Variants in PPP2R2C observed in about 807,000 individuals in gnomAD.
The protein encoded by PPP2R2C is protein phosphatase 2, regulatory subunit B, gamma.
Under a neutral mutation model 45.3 loss-of-function variants are expected in PPP2R2C, and 10 were observed. The ratio of observed to expected loss-of-function variants is 0.22; its 90% confidence interval spans 0.14 to 0.37. PPP2R2C has a LOEUF of 0.37. Among genes scored for constraint, PPP2R2C ranks in the 10% least tolerant of loss-of-function variants. PPP2R2C has a pLI of 1.00. For missense variants in PPP2R2C, 308 were observed against 619.7 expected (o/e 0.50, Z 5.34); for synonymous variants, 257 against 245.4 (o/e 1.05, Z -0.44).
At chr4:6,374,635 T>A (rs1715146331) in intron 4 of PPP2R2C, among the ~76,000 whole-genome samples, 1 of 152,192 alleles carries the variant, frequency 6.6e-6, no homozygotes. Flanking sequence ...AAAGGCCTCC[T>A]GGGGTGCCCA....
chr4:6,421,160 C>T (rs1718933669), intron 1 of PPP2R2C: 1 of 982,044 alleles, frequency 1.0e-6, no homozygotes, highest in Admixed American at 6.2e-5. Flanking sequence ...ACACCACTTC[C>T]TGGTTAGCAC....
rs928596950 is a variant in PPP2R2C, at chr4:6,331,767, T to A, written c.960+1795A>T. On this transcript the variant is annotated intron_variant, in intron 7 of 8. Transcript: ENST00000382599. The surrounding 1 kb of genome is among the most constrained non-coding windows in gnomAD (Gnocchi z 5.9). ...TGGACTGGATCACAGAAGGAACCAC[T>A]GTGGCGCTGCCGGGGTCATGGAGCC... 5.9e-5 allele frequency among the ~76,000 whole-genome samples: 9 copies of A among 152,156 alleles called. No individual in the cohort carries two copies. Among genetic ancestry groups the A allele is most frequent in the African/African-American group, 2.2e-4 (9 of 41,440 alleles).
At chr4:6,475,395 G>A (rs201008595), upstream of PPP2R2C, among the ~76,000 whole-genome samples, 23 of 152,264 alleles carry the variant, frequency 1.5e-4, no homozygotes, top group East Asian at 2.1e-3. Flanking sequence ...TCCTCACTCC[G>A]TGTCCCTTCA....
In PPP2R2C at chr4:6,510,152, C is replaced by A. The variant is rs1723377959; in HGVS notation, c.49+25119G>T. On this transcript the variant is annotated intron_variant, in intron 2 of 9. Transcript: ENST00000506140. ...ACAAAACCTACACAGGATCATGCCACCCACCTGCTTCAAATCCCTCCCATC... is the reference window on the plus strand; with the variant it reads ...ACAAAACCTACACAGGATCATGCCAACCACCTGCTTCAAATCCCTCCCATC... 2.0e-5 allele frequency among the ~76,000 whole-genome samples: 3 copies of A among 152,152 alleles called. No individual in the cohort carries two copies. The South Asian group carries it at 6.2e-4, about 32-fold the overall frequency.
chr4:6,416,539 C>T lies in PPP2R2C; in HGVS notation c.71-35445G>A, dbSNP rs77560003. ...CCCATACCTCCAGTGGGAGCTTTCC[C>T]AACAGAAAGCAGCTGTGACCCCCGG... On this transcript the variant is annotated intron_variant, in intron 1 of 8. Coordinates refer to ENST00000382599, the MANE Select transcript of PPP2R2C (RefSeq NM_020416.4). Among the ~76,000 whole-genome samples the T allele has an allele frequency of 3.3e-5, 5 of 152,310 alleles. No individual in the cohort carries two copies. In the East Asian group the frequency reaches 9.6e-4, roughly 29 times the overall value.
intron 1 of PPP2R2C, among the ~76,000 whole-genome samples, chr4:6,442,438 C>T (rs375982772): frequency 1.3e-5 from 2 of 152,214 alleles, no homozygotes; most frequent in African/African-American, 2.4e-5. Context: ...TGCTTCAGTC[C>T]GTGGGGCCAC....
intron 3 of PPP2R2C, among the ~76,000 whole-genome samples, chr4:6,377,265 C>T (rs1715393354): frequency 6.6e-6 from 1 of 152,176 alleles, no homozygotes. Context: ...GTTGAGTGGG[C>T]ACCATTTCAC....
At chr4:6,429,218 G>T (rs190632684) in intron 1 of PPP2R2C, among the ~76,000 whole-genome samples, 74 of 152,378 alleles carry the variant, frequency 4.9e-4, no homozygotes, top group South Asian at 1.7e-3. Flanking sequence ...ATGTGACAGA[G>T]AAGCAGCAGC....
chr4:6,376,435 G>A (rs1226750294), intron 3 of PPP2R2C, among the ~76,000 whole-genome samples: 1 of 151,366 alleles, frequency 6.6e-6, no homozygotes, highest in Non-Finnish European at 1.5e-5. Flanking sequence ...AGAGAGGCAG[G>A]AAGAAAGTGA....
Position 6,446,672 on chromosome 4 carries a change from T to A in PPP2R2C, c.70+25488A>T, listed in dbSNP as rs149995457. ...TCCGAGTTCCCTGCCTCCAAGAACA[T>A]GTCCATCAGCCATCAGCTGACTGGA... On this transcript the variant is annotated intron_variant, in intron 1 of 8. Transcript: ENST00000382599. Among the ~76,000 whole-genome samples the A allele has an allele frequency of 5.2e-3, 787 of 151,938 alleles. 8 individuals are homozygous for A. Among genetic ancestry groups the A allele is most frequent in the African/African-American group, 0.018 (751 of 41,438 alleles).
chr4:6,402,924 C>G (rs934837442), intron 1 of PPP2R2C, among the ~76,000 whole-genome samples: 5 of 152,236 alleles, frequency 3.3e-5, no homozygotes, highest in African/African-American at 9.6e-5. Context: ...TGCCCGCCCT[C>G]TGCAAAGCCA....
chr4:6,554,887 A>AAAGAAAGGAAGGAAGG (rs1560620169), intron 1 of PPP2R2C, among the ~76,000 whole-genome samples: 17 of 106,062 alleles, frequency 1.6e-4, no homozygotes, highest in African/African-American at 5.8e-4. Context: ...AAAGAAAAAG[A>AAAGAAAGGAAGGAAGG]AAGGAAGGAA....
intron 1 of PPP2R2C, among the ~76,000 whole-genome samples, chr4:6,393,168 G>A (rs577815724): frequency 3.2e-4 from 49 of 151,934 alleles, no homozygotes; most frequent in African/African-American, 8.7e-4. Context: ...CATTCCCACC[G>A]CCCCAAAAAG....
intron 1 of PPP2R2C, among the ~76,000 whole-genome samples, chr4:6,402,659 A>G (rs1046964079): frequency 6.6e-6 from 1 of 152,184 alleles, no homozygotes; most frequent in African/African-American, 2.4e-5. Context: ...GATGTAAACA[A>G]GCACCACATG....
intron 5 of PPP2R2C, among the ~76,000 whole-genome samples, chr4:6,352,931 G>A (rs1048780907): frequency 2.0e-5 from 3 of 152,146 alleles, no homozygotes; most frequent in Non-Finnish European, 4.4e-5. Context: ...GACATTCTAA[G>A]AGACAGAAGA....
At chr4:6,464,060 A>G (rs954852948) in intron 1 of PPP2R2C, among the ~76,000 whole-genome samples, 3 of 152,138 alleles carry the variant, frequency 2.0e-5, no homozygotes, top group Non-Finnish European at 4.4e-5. Flanking sequence ...TGTCCCTTAC[A>G]AACTATGTGA....
intron 1 of PPP2R2C, among the ~76,000 whole-genome samples, chr4:6,409,448 G>A (rs1280068595): frequency 6.6e-6 from 1 of 152,182 alleles, no homozygotes; most frequent in Non-Finnish European, 1.5e-5. Flanking sequence ...CCAGCATGGA[G>A]CGGAGGAACC....
Position 6,507,295 on chromosome 4 carries a change from C to T in PPP2R2C, c.49+27976G>A, listed in dbSNP as rs765972442. Among the ~76,000 whole-genome samples, 14 of 152,290 alleles carry T rather than the reference C, an allele frequency of 9.2e-5. No homozygotes were observed. The East Asian group carries it at 2.1e-3, about 23-fold the overall frequency. On this transcript the variant is annotated intron_variant, in intron 2 of 9. Transcript: ENST00000506140. Reference sequence around the variant, plus strand: ...CTAAAAGGTTTGGCCTGGGTGATCTCGGAAGACCTTCCTGCCTCTGACTAC... The same window carrying T: ...CTAAAAGGTTTGGCCTGGGTGATCTTGGAAGACCTTCCTGCCTCTGACTAC...
intron 2 of PPP2R2C, among the ~76,000 whole-genome samples, chr4:6,483,761 G>A (rs1431604312): frequency 6.6e-6 from 1 of 151,948 alleles, no homozygotes; most frequent in Non-Finnish European, 1.5e-5. Flanking sequence ...CTTTCAAAAA[G>A]GAGATGTTTT....
Sources: gnomAD v4.1 joint callset for allele counts (sites outside exome capture counted in the v4.1 genomes callset) on GRCh38, gnomAD v4.1.1 for gene constraint, Gnocchi (gnomAD v3.1) non-coding constraint, MANE v1.5 for transcripts, NCBI Gene and HGNC (gene_info 2026-07-23, HGNC 2026-07-21) for gene names.